RNLS: variants seen among roughly 807,000 people sequenced by gnomAD.
RNLS encodes renalase, FAD dependent amine oxidase, also known as renalase.
RNLS carries 39 observed loss-of-function variants against 39.8 expected under a neutral mutation model. The observed-to-expected ratio is 0.98, with a 90% CI of 0.76 to 1.28. The LOEUF (loss-of-function observed/expected upper bound fraction) is 1.28, where lower values mean the gene tolerates loss of function less well. Ranked by LOEUF, RNLS falls within the 50% of genes most tolerant of loss-of-function variation. The pLI, the probability that RNLS is intolerant of heterozygous loss-of-function variation, is 0.00. For missense variants in RNLS, 410 were observed against 413.3 expected (o/e 0.99, Z 0.07); for synonymous variants, 147 against 150.7 (o/e 0.98, Z 0.18).
intron 6 of RNLS, among the ~76,000 whole-genome samples, chr10:88,306,171 C>T (rs1301507279): frequency 6.6e-6 from 1 of 152,032 alleles, no homozygotes; most frequent in East Asian, 1.9e-4. Context: ...TGGAACACAG[C>T]AAAGGCAGTG....
intron 4 of RNLS, among the ~76,000 whole-genome samples, chr10:88,541,652 A>G (rs544626172): frequency 6.6e-6 from 1 of 152,300 alleles, no homozygotes; most frequent in East Asian, 1.9e-4. Context: ...AAATAATCGT[A>G]ACTTCTTTAG....
intron 4 of RNLS, 114 bp from the exon 5 acceptor site, chr10:88,362,839 A>C: frequency 4.7e-5 from 39 of 830,054 alleles, no homozygotes; most frequent in Non-Finnish European, 6.5e-5. Context: ...ACTCCATCTC[A>C]CTTACAATGA....
At chr10:88,278,895 T>C (rs924374885) in intron 6 of RNLS, among the ~76,000 whole-genome samples, 1 of 152,228 alleles carries the variant, frequency 6.6e-6, no homozygotes, top group South Asian at 2.1e-4. Flanking sequence ...TTACTAATAT[T>C]AGAATAAAAA....
Position 88,324,450 on chromosome 10 carries a change from CAG to C in RNLS, c.701-9811_701-9810del, listed in dbSNP as rs1408233728. Among the ~76,000 whole-genome samples, 3 of 132,424 alleles carry C rather than the reference CAG, an allele frequency of 2.3e-5. No individual in the cohort carries two copies. The East Asian group carries it at 7.4e-4, about 33-fold the overall frequency. The allele number at this position is 132,424 out of a possible 152,430, so 86.9% of individuals were successfully genotyped here. On this transcript the variant is annotated intron_variant, in intron 5 of 6. Transcript: ENST00000331772. ...TGCAAAAAAAAAAAAAAAACTAAAA[CAG>C]AAGATCAAATACCCCATATTTTCAC...
the RNLS span, among the ~76,000 whole-genome samples, chr10:88,257,042 C>T: frequency 8.3e-6 from 1 of 120,734 alleles, no homozygotes; most frequent in South Asian, 2.8e-4. Flanking sequence ...GTGTGTTGTG[C>T]CAAAAAAAAA....
intron 4 of RNLS, among the ~76,000 whole-genome samples, chr10:88,395,361 C>T (rs1852495976): frequency 6.6e-6 from 1 of 151,314 alleles, no homozygotes; most frequent in African/African-American, 2.4e-5. Flanking sequence ...TAAAGACAAG[C>T]ATGAGAATGA....
At chr10:88,228,891 C>A in the RNLS span, among the ~76,000 whole-genome samples, 1 of 152,176 alleles carries the variant, frequency 6.6e-6, no homozygotes, top group Admixed American at 6.5e-5. Context: ...TCACTGATTT[C>A]TCTTCCTCTT....
rs1303402680 is a variant in RNLS at position 88,310,182 on chromosome 10, C to G, written c.876+4284G>C. On this transcript the variant is annotated intron_variant, in intron 6 of 6. Coordinates refer to ENST00000331772, the MANE Select transcript of RNLS (RefSeq NM_001031709.3). ...AACTGAGGTCATAACCACTGCACTC[C>G]AGCCTGGGTGATAAAGCGAGACCCT... 2.0e-5 allele frequency among the ~76,000 whole-genome samples: 3 copies of G among 152,294 alleles called. No homozygotes were observed. The East Asian group carries it at 5.8e-4, about 29-fold the overall frequency.
the RNLS span, among the ~76,000 whole-genome samples, chr10:88,231,733 G>A: frequency 2.0e-5 from 3 of 152,192 alleles, no homozygotes; most frequent in Non-Finnish European, 4.4e-5. Flanking sequence ...AAGAGTACCA[G>A]TAGCTACAAA....
chr10:88,187,190 ATATATAAT>A, the RNLS span, among the ~76,000 whole-genome samples: 21 of 8,132 alleles, frequency 2.6e-3, 1 homozygote, highest in South Asian at 0.02. Flanking sequence ...TATATATAAT[ATATATAAT>A]ATATATATAA....
chr10:88,285,297 A>G lies in RNLS; in HGVS notation c.*57T>C. The G allele has an allele frequency of 6.9e-7, 1 of 1,446,860 alleles. No individual in the cohort carries two copies. The highest frequency in any genetic ancestry group is 9.2e-7 in the Non-Finnish European group (1 of 1,089,706). The allele number at this position is 1,446,860 out of a possible 1,614,324, so 89.6% of individuals were successfully genotyped here. On this transcript the variant is annotated 3_prime_UTR_variant, in exon 7 of 7. Transcript: ENST00000331772. ...AAAATAGAAAACAAAATAATCAATA[A>G]CAGAAAATTGTGAAAATAAAAACCC...
At chr10:88,581,292 GTGTA>G (rs921654918) in intron 3 of RNLS, among the ~76,000 whole-genome samples, 37 of 122,032 alleles carry the variant, frequency 3.0e-4, no homozygotes, top group African/African-American at 5.3e-4. Context: ...GTGTGTGTGT[GTGTA>G]TATATATATA....
the RNLS span, among the ~76,000 whole-genome samples, chr10:88,219,390 C>T: frequency 6.6e-6 from 1 of 152,166 alleles, no homozygotes; most frequent in African/African-American, 2.4e-5. Flanking sequence ...TAGAATTTTC[C>T]TAATGTTCCT....
At chr10:88,394,637 G>A (rs1439691252) in intron 4 of RNLS, among the ~76,000 whole-genome samples, 4 of 151,960 alleles carry the variant, frequency 2.6e-5, no homozygotes, top group African/African-American at 9.7e-5. Context: ...TCAGTGTGGC[G>A]ATTCCTCAGG....
intron 4 of RNLS, among the ~76,000 whole-genome samples, chr10:88,537,883 G>GTTT (rs896464484): frequency 3.7e-4 from 56 of 152,224 alleles, no homozygotes; most frequent in African/African-American, 1.3e-3. Flanking sequence ...TGAATAAAAA[G>GTTT]TTTTTTAAAG....
At chr10:88,577,195 G>A (rs1352985561) in intron 3 of RNLS, among the ~76,000 whole-genome samples, 2 of 152,122 alleles carry the variant, frequency 1.3e-5, no homozygotes, top group African/African-American at 4.8e-5. Flanking sequence ...GAAACTAGGG[G>A]CACAGGGAAC....
At chr10:88,235,858 G>A in the RNLS span, among the ~76,000 whole-genome samples, 1 of 151,702 alleles carries the variant, frequency 6.6e-6, no homozygotes, top group African/African-American at 2.4e-5. Context: ...TTGAGACAGG[G>A]TCTTGTTCTG....
rs555577326 is a variant in RNLS, at chr10:88,497,026, T to G, written c.526+75877A>C. Among the ~76,000 whole-genome samples, 10 of 152,092 alleles carry G rather than the reference T, an allele frequency of 6.6e-5. 1 individual carries two copies. The South Asian group carries it at 2.1e-3, about 32-fold the overall frequency. On this transcript the variant is annotated intron_variant, in intron 4 of 6. Coordinates refer to ENST00000331772, the MANE Select transcript of RNLS (RefSeq NM_001031709.3). ...ATGAAAATGAAAGAAAAGAGAAAAA[T>G]GAACACATTATGTAATGAGTCCCAG...
At chr10:88,514,715 T>C (rs1564863101) in intron 4 of RNLS, among the ~76,000 whole-genome samples, 1 of 152,108 alleles carries the variant, frequency 6.6e-6, no homozygotes, top group Non-Finnish European at 1.5e-5. Flanking sequence ...GTCCTTCAGG[T>C]TCATCCATGT....
Sources: gnomAD v4.1 joint callset for allele counts (sites outside exome capture counted in the v4.1 genomes callset) on GRCh38, gnomAD v4.1.1 for gene constraint, MANE v1.5 for transcripts, NCBI Gene and HGNC (gene_info 2026-07-23, HGNC 2026-07-21) for gene names.